Variants in YEATS2 observed in about 807,000 individuals in gnomAD.
YEATS2 encodes YEATS domain containing 2.
A neutral mutation model predicts 163.2 loss-of-function variants in YEATS2; 77 were observed. The ratio of observed to expected loss-of-function variants is 0.47; its 90% CI spans 0.39 to 0.57. YEATS2 has a LOEUF of 0.57. Ranked by LOEUF, YEATS2 falls within the 20% of genes least tolerant of loss-of-function variation. YEATS2 has a pLI of 0.00. For missense variants in YEATS2, 1,549 were observed against 1,729.8 expected, an observed-to-expected ratio of 0.90 and a Z score of 1.85; for synonymous variants, 631 against 645.1, an observed-to-expected ratio of 0.98 and a Z score of 0.33.
At chr3:183,726,864 C>T (rs1717156821) in intron 6 of YEATS2, among the ~76,000 whole-genome samples, 4 of 152,096 alleles carry the variant, frequency 2.6e-5, no homozygotes, top group Admixed American at 2.6e-4. Context: ...TGCAATGGCG[C>T]GATCTCAGCT....
intron 3 of YEATS2, among the ~76,000 whole-genome samples, 200 bp downstream of exon 3, chr3:183,717,948 G>T (rs1264870143): frequency 1.3e-5 from 2 of 148,512 alleles, no homozygotes; most frequent in Non-Finnish European, 3.0e-5. Flanking sequence ...AAGGATTGAA[G>T]AAATATTACC....
chr3:183,732,398 A>G (rs1366715570), intron 7 of YEATS2, among the ~76,000 whole-genome samples: 1 of 150,894 alleles, frequency 6.6e-6, no homozygotes, highest in East Asian at 2.0e-4. Context: ...GGTTGCGGTG[A>G]GCCAAGATCA....
At chr3:183,795,005 TAA>T (rs10636195) in intron 21 of YEATS2, among the ~76,000 whole-genome samples, 1 of 144,192 alleles carries the variant, frequency 6.9e-6, no homozygotes, top group Admixed American at 6.9e-5. Flanking sequence ...CCCCATTTCT[TAA>T]AAAAAAAAAA....
intron 1 of YEATS2, among the ~76,000 whole-genome samples, chr3:183,706,633 A>G (rs1030702286): frequency 6.6e-6 from 1 of 152,176 alleles, no homozygotes; most frequent in Non-Finnish European, 1.5e-5. Context: ...CATGACCAAC[A>G]TGGAGAAACC....
intron 27 of YEATS2, 47 bp downstream of exon 27, chr3:183,804,235 AT>A: frequency 6.2e-7 from 1 of 1,607,956 alleles, no homozygotes; most frequent in African/African-American, 1.3e-5. Context: ...GCCTGGAGGC[AT>A]TTGCTGAGGT....
At chr3:183,801,037 A>T (rs902480942) in intron 24 of YEATS2, 1 of 170,216 alleles carries the variant, frequency 5.9e-6, no homozygotes, top group African/African-American at 2.4e-5. Flanking sequence ...CTGACCAGCT[A>T]CTTTTAAGTA....
Position 183,790,945 on chromosome 3 carries a change from C to T in YEATS2, c.3062C>T (p.Thr1021Ile), listed in dbSNP as rs373266044. The T allele has an allele frequency of 6.2e-7, 1 of 1,614,050 alleles. No homozygotes were observed. The highest frequency in any genetic ancestry group is 1.3e-5 in the African/African-American group (1 of 74,940). ...TVVSATSLVP[T>I]PNPISGKATV... ...GTCAGCGCCACGTCCCTCGTGCCTA[C>T]ACCAAACCCCATCTCTGGGAAAGCC... Residue 1021 changes from threonine (T) to isoleucine (I), a missense_variant, in exon 21 of 31, where the codon ACA (threonine) becomes ATA (isoleucine). By Grantham distance (89) the Thr-to-Ile change is moderately conservative. Transcript: ENST00000305135.
At chr3:183,711,287 A>G (rs13326737) in intron 1 of YEATS2, among the ~76,000 whole-genome samples, 50,290 of 151,458 alleles carry the variant, frequency 0.33, 9,810 homozygotes, top group African/African-American at 0.55. Flanking sequence ...TGGCTAACAC[A>G]GTAAAACCCC....
Position 183,775,990 on chromosome 3 carries a change from G to A in YEATS2, c.2444G>A (p.Ser815Asn), listed in dbSNP as rs1213241463. ...GGGGGGGGGG[S>N]GSGGGGSTGG... The stretch of plus-strand genomic sequence containing the variant: ...GGAGGAGGAGGAGGAGGAGGCGGCA[G>A]TGGCAGCGGTGGAGGCGGCAGCACA... Residue 815 changes from serine (S) to asparagine (N), a missense_variant, in exon 18 of 31, where the codon AGT becomes AAT. By Grantham distance (46) the Ser-to-Asn change is conservative (BLOSUM62 1). Transcript: ENST00000305135. 6.2e-7 allele frequency: 1 copy of A among 1,609,256 alleles called. No homozygotes were observed. The highest frequency in any genetic ancestry group is 1.3e-5 in the African/African-American group (1 of 74,708).
intron 11 of YEATS2, among the ~76,000 whole-genome samples, chr3:183,755,348 C>T (rs974608012): frequency 1.3e-5 from 2 of 152,114 alleles, no homozygotes; most frequent in African/African-American, 4.8e-5. Flanking sequence ...AACTCCTGAC[C>T]TCAGGTGATC....
intron 26 of YEATS2, 126 bp from the exon 27 acceptor site, chr3:183,803,861 T>C: frequency 1.0e-6 from 1 of 1,002,930 alleles, no homozygotes; most frequent in East Asian, 2.6e-5. Context: ...CACAACCAGG[T>C]TTTTTTCTTT....
At chr3:183,761,445 G>T in intron 13 of YEATS2, 62 bp from the exon 14 acceptor site, 1 of 1,379,544 alleles carries the variant, frequency 7.2e-7, no homozygotes, top group South Asian at 1.2e-5. Context: ...AAATATAAGT[G>T]ACTAGATATC....
Position 183,762,139 on chromosome 3 carries a change from G to T in YEATS2, c.1807G>T (p.Ala603Ser), listed in dbSNP as rs372202944. Residue 603 changes from alanine (A) to serine (S), a missense_variant, in exon 15 of 31, where the codon GCA becomes TCA. By Grantham distance (99) the Ala-to-Ser change is moderately conservative. Transcript: ENST00000305135. The part of the protein sequence containing the change: ...QEPGEAPHVP[A>S]TGAASQSPLP... ...ACCTGGTGAAGCCCCTCACGTGCCC[G>T]CAACAGGAGCTGCCAGCCAGTCACC... The T allele has an allele frequency of 6.2e-7, 1 of 1,614,056 alleles. No individual in the cohort carries two copies. Among genetic ancestry groups the T allele is most frequent in the Non-Finnish European group, 8.5e-7 (1 of 1,180,008 alleles).
chr3:183,702,385 C>T (rs1411887450), intron 1 of YEATS2, among the ~76,000 whole-genome samples: 1 of 152,126 alleles, frequency 6.6e-6, no homozygotes, highest in Non-Finnish European at 1.5e-5. Context: ...GCAGAGGTTG[C>T]AGTGAGCCAA....
chr3:183,730,052 G>GTTTGTTTGTT (rs1560244258), intron 7 of YEATS2, among the ~76,000 whole-genome samples: 1 of 41,698 alleles, frequency 2.4e-5, no homozygotes, highest in African/African-American at 8.2e-5. Context: ...TTTTTTGTTT[G>GTTTGTTTGTT]TTTTTTTTTT....
At chr3:183,797,129 C>T (rs1178612083) in intron 21 of YEATS2, among the ~76,000 whole-genome samples, 1 of 151,890 alleles carries the variant, frequency 6.6e-6, no homozygotes, top group Non-Finnish European at 1.5e-5. Flanking sequence ...ATTAGCTGGG[C>T]ATGGTGGCAT....
chr3:183,793,176 A>T (rs1724821275), intron 21 of YEATS2: 2 of 1,287,794 alleles, frequency 1.6e-6, no homozygotes, highest in African/African-American at 1.5e-5. Context: ...TATCACCGAG[A>T]TACACACACA....
intron 6 of YEATS2, 90 bp downstream of exon 6, chr3:183,724,621 C>A: frequency 1.2e-6 from 1 of 854,882 alleles, no homozygotes; most frequent in Non-Finnish European, 1.7e-6. Flanking sequence ...AGGAAGCAGC[C>A]TCAGGGATTC....
At chr3:183,764,532 T>C in intron 15 of YEATS2, among the ~76,000 whole-genome samples, 1 of 151,988 alleles carries the variant, frequency 6.6e-6, no homozygotes, top group East Asian at 1.9e-4. Context: ...TCATAGAGCT[T>C]GTCGCAGTGG....
Sources: gnomAD v4.1 joint callset for allele counts (sites outside exome capture counted in the v4.1 genomes callset) on GRCh38, gnomAD v4.1.1 for gene constraint, MANE v1.5 for transcripts, NCBI Gene and HGNC (gene_info 2026-07-23, HGNC 2026-07-21) for gene names.